Variants in NEBL observed in about 807,000 individuals in gnomAD.
The protein encoded by NEBL is LIM and SH3 protein 2.
NEBL carries 122 observed loss-of-function variants against 140.2 expected under a neutral mutation model. The ratio of observed to expected loss-of-function variants is 0.87; its 90% CI spans 0.75 to 1.01. The LOEUF is 1.01. Among genes scored for constraint, NEBL ranks in the 50% least tolerant of loss-of-function variants. The probability of loss-of-function intolerance (pLI) is 0.00; values close to 1 mark genes in which losing one functional copy is unlikely to be tolerated. For synonymous variants in NEBL, 436 were observed against 398.9 expected (o/e 1.09, Z -1.11); for missense variants, 1,365 against 1,231.3 (o/e 1.11, Z -1.62).
rs114331050 is a variant in NEBL at position 20,814,257 on chromosome 10, A to C, written c.2242-214T>G. ...TACTGCTAAATGACCTAAATCTATC[A>C]ACTCTAAACAAATGTGTGAATGACC... On this transcript the variant is annotated intron_variant, in intron 22 of 27. Transcript: ENST00000377122. Among the ~76,000 whole-genome samples, 277 of 152,158 alleles carry C rather than the reference A, an allele frequency of 1.8e-3. 1 individual carries two copies. Among genetic ancestry groups the C allele is most frequent in the African/African-American group, 6.3e-3 (263 of 41,498 alleles).
intron 2 of NEBL, among the ~76,000 whole-genome samples, chr10:21,165,263 T>C (rs559310043): frequency 6.6e-6 from 1 of 152,212 alleles, no homozygotes; most frequent in Non-Finnish European, 1.5e-5. Flanking sequence ...TAGAAAGATG[T>C]CACATTTTGA....
intron 3 of NEBL, among the ~76,000 whole-genome samples, chr10:20,975,561 A>C (rs1338414452): frequency 6.6e-6 from 1 of 152,218 alleles, no homozygotes; most frequent in African/African-American, 2.4e-5. Context: ...AAACTCAAAC[A>C]AAACTACCCT....
chr10:20,881,752 G>GAATAAATAAATA (rs1253503676), intron 4 of NEBL, among the ~76,000 whole-genome samples: 13 of 152,126 alleles, frequency 8.5e-5, no homozygotes, highest in Admixed American at 6.5e-5. Flanking sequence ...TTTGTTCAGT[G>GAATAAATAAATA]AATGAATAAA....
At chr10:21,005,999 G>A (rs546275465) in intron 3 of NEBL, among the ~76,000 whole-genome samples, 8 of 152,008 alleles carry the variant, frequency 5.3e-5, no homozygotes, top group South Asian at 2.1e-4. Flanking sequence ...ACATAGATAC[G>A]CAAACGCAGG....
intron 4 of NEBL, among the ~76,000 whole-genome samples, chr10:20,946,770 T>A (rs991245566): frequency 2.6e-5 from 4 of 152,208 alleles, no homozygotes; most frequent in African/African-American, 9.6e-5. Flanking sequence ...TAGTTCACAA[T>A]CTAAAAGTGG....
intron 2 of NEBL, among the ~76,000 whole-genome samples, chr10:21,081,341 G>A (rs1164828701): frequency 6.6e-6 from 1 of 152,182 alleles, no homozygotes; most frequent in Non-Finnish European, 1.5e-5. Context: ...TGGGAAGCAG[G>A]GGAAAGGCAG....
intron 2 of NEBL, among the ~76,000 whole-genome samples, chr10:21,066,262 T>C (rs1835536683): frequency 6.6e-6 from 1 of 152,160 alleles, no homozygotes; most frequent in South Asian, 2.1e-4. Flanking sequence ...AGACCCGACA[T>C]AGGATAGGAA....
intron 3 of NEBL, among the ~76,000 whole-genome samples, chr10:21,198,939 T>C (rs1841692329): frequency 6.6e-6 from 1 of 152,136 alleles, no homozygotes; most frequent in Non-Finnish European, 1.5e-5. Flanking sequence ...CTTACAGGGA[T>C]GGGCCTAAAA....
intron 2 of NEBL, among the ~76,000 whole-genome samples, chr10:21,051,216 A>G (rs1346104611): frequency 6.6e-6 from 1 of 152,210 alleles, no homozygotes; most frequent in South Asian, 2.1e-4. Flanking sequence ...CTTTGCGAGG[A>G]TTTATATTCG....
At chr10:20,807,676 T>C (rs905653747) in intron 26 of NEBL, among the ~76,000 whole-genome samples, 4 of 152,198 alleles carry the variant, frequency 2.6e-5, no homozygotes, top group Admixed American at 6.5e-5. Context: ...ATTTCCTACC[T>C]TTGGGATTTC....
chr10:20,859,321 C>A (rs1182525454), intron 8 of NEBL, among the ~76,000 whole-genome samples: 3 of 151,898 alleles, frequency 2.0e-5, no homozygotes, highest in Non-Finnish European at 4.4e-5. Context: ...CTAAAAATTT[C>A]TTTATATGAT....
chr10:21,178,595 A>G (rs764287924), upstream of NEBL, among the ~76,000 whole-genome samples: 1 of 152,154 alleles, frequency 6.6e-6, no homozygotes, highest in Non-Finnish European at 1.5e-5. Flanking sequence ...GGTGTTTACT[A>G]TTTTTCCTGT....
intron 1 of NEBL, among the ~76,000 whole-genome samples, chr10:21,273,078 TCTA>T (rs1470956940): frequency 6.6e-6 from 1 of 152,110 alleles, no homozygotes; most frequent in Non-Finnish European, 1.5e-5. Context: ...ACTGGAGTCA[TCTA>T]CTTGATTGGA....
intron 4 of NEBL, among the ~76,000 whole-genome samples, chr10:20,928,899 C>T (rs1309984990): frequency 6.6e-6 from 1 of 152,192 alleles, no homozygotes; most frequent in Non-Finnish European, 1.5e-5. Flanking sequence ...ATCTTCAGTG[C>T]CATTTCTCTT....
chr10:21,055,604 G>T (rs138791462), intron 2 of NEBL, among the ~76,000 whole-genome samples: 131 of 152,286 alleles, frequency 8.6e-4, no homozygotes, highest in African/African-American at 3.1e-3. Context: ...TAACCTCTGT[G>T]TCTCGGTTCT....
intron 4 of NEBL, among the ~76,000 whole-genome samples, chr10:20,902,857 C>A (rs1207866353): frequency 6.6e-6 from 1 of 152,096 alleles, no homozygotes. Context: ...CACAGAGTGT[C>A]CCTTTCCTAG....
intron 12 of NEBL, among the ~76,000 whole-genome samples, chr10:20,842,066 C>T (rs746761081): frequency 1.3e-5 from 2 of 151,946 alleles, no homozygotes; most frequent in African/African-American, 2.4e-5. Context: ...GATTAACTTG[C>T]CAGATGAAAG....
intron 5 of NEBL, among the ~76,000 whole-genome samples, chr10:20,872,417 G>A (rs956792218): frequency 6.6e-6 from 1 of 152,002 alleles, no homozygotes; most frequent in Non-Finnish European, 1.5e-5. Flanking sequence ...CTTATGTTGG[G>A]GGACATTCAA....
intron 2 of NEBL, among the ~76,000 whole-genome samples, chr10:21,145,137 T>C (rs1839835070): frequency 1.3e-5 from 2 of 152,162 alleles, no homozygotes; most frequent in African/African-American, 4.8e-5. Context: ...TTGGAAAGAT[T>C]AGATTCACAA....
Sources: gnomAD v4.1 joint callset for allele counts (sites outside exome capture counted in the v4.1 genomes callset) on GRCh38, gnomAD v4.1.1 for gene constraint, MANE v1.5 for transcripts, NCBI Gene and HGNC (gene_info 2026-07-23, HGNC 2026-07-21) for gene names.